FRMD4B: variants seen among roughly 807,000 people sequenced by gnomAD.
FRMD4B encodes the protein FERM domain containing 4B.
In FRMD4B, 74 loss-of-function variants were observed where a neutral mutation model predicts 141.5. That is an observed-to-expected ratio of 0.52 (90% CI 0.43 to 0.63). The LOEUF (loss-of-function observed/expected upper bound fraction) is 0.63, where lower values mean the gene tolerates loss of function less well. Ranked by LOEUF, FRMD4B falls within the 30% of genes least tolerant of loss-of-function variation. The pLI is 0.00. For synonymous variants in FRMD4B, 506 were observed against 467.9 expected (o/e 1.08, Z -1.05); for missense variants, 1,366 against 1,253.4 (o/e 1.09, Z -1.36).
At chr3:69,340,629 T>C (rs563497874) in intron 1 of FRMD4B, among the ~76,000 whole-genome samples, 1 of 152,338 alleles carries the variant, frequency 6.6e-6, no homozygotes, top group South Asian at 2.1e-4. Flanking sequence ...CTTCAGCTCC[T>C]TGATACCTGG....
chr3:69,347,400 A>G (rs1702983549), intron 1 of FRMD4B, among the ~76,000 whole-genome samples: 1 of 152,218 alleles, frequency 6.6e-6, no homozygotes, highest in Admixed American at 6.5e-5. Context: ...TTAACACTCC[A>G]CTGTCAACAT....
rs1307721918 is a variant in FRMD4B, at chr3:69,189,105, C to T, written c.1771+791G>A. On this transcript the variant is annotated intron_variant, in intron 18 of 22. Coordinates refer to ENST00000398540, the MANE Select transcript of FRMD4B (RefSeq NM_015123.3). ...GGAGTGGTGCCCAATGCCTGTAATC[C>T]CAGCTACTCGGGAGGCTGAGGCAGG... is the stretch of plus-strand genomic sequence containing the variant. 4.6e-5 allele frequency among the ~76,000 whole-genome samples: 7 copies of T among 151,530 alleles called. No individual in the cohort carries two copies. The East Asian group carries it at 1.2e-3, about 25-fold the overall frequency.
chr3:69,315,275 T>C (rs1406239910), intron 1 of FRMD4B, among the ~76,000 whole-genome samples: 6 of 152,226 alleles, frequency 3.9e-5, no homozygotes, highest in Admixed American at 3.9e-4. Flanking sequence ...GATTAACTCA[T>C]GTTCCAAACC....
chr3:69,267,090 A>G (rs1257371375), intron 5 of FRMD4B, among the ~76,000 whole-genome samples: 1 of 152,248 alleles, frequency 6.6e-6, no homozygotes, highest in Non-Finnish European at 1.5e-5. Context: ...CAAAGTATTA[A>G]TAGGATAGAA....
At chr3:69,188,428 C>G (rs181791601) in intron 18 of FRMD4B, among the ~76,000 whole-genome samples, 271 of 152,252 alleles carry the variant, frequency 1.8e-3, no homozygotes, top group Admixed American at 4.1e-3. Context: ...GCAAGCATGA[C>G]CAAACATCAC....
chr3:69,397,418 C>T (rs1010894352), intron 2 of FRMD4B, among the ~76,000 whole-genome samples: 2 of 151,980 alleles, frequency 1.3e-5, no homozygotes, highest in East Asian at 3.8e-4. Flanking sequence ...AGTTGTGCAA[C>T]TTTGTGATTA....
chr3:69,479,959 A>T (rs952751522), intron 1 of FRMD4B, among the ~76,000 whole-genome samples: 10 of 151,892 alleles, frequency 6.6e-5, no homozygotes, highest in African/African-American at 2.4e-4. Flanking sequence ...CATTCATTTC[A>T]TCTTCCATCA....
At chr3:69,494,269 A>C (rs78428200) in intron 1 of FRMD4B, among the ~76,000 whole-genome samples, 2,340 of 152,296 alleles carry the variant, frequency 0.015, 58 homozygotes, top group African/African-American at 0.054. Flanking sequence ...GGGTGGGTCC[A>C]GGGTCTAGAA....
At chr3:69,363,316 C>G (rs1703530494) in intron 1 of FRMD4B, among the ~76,000 whole-genome samples, 2 of 147,682 alleles carry the variant, frequency 1.4e-5, no homozygotes, top group Admixed American at 1.4e-4. Context: ...AACTCCTGAG[C>G]TCAAGTGATC....
intron 1 of FRMD4B, among the ~76,000 whole-genome samples, chr3:69,328,186 T>C (rs1309491343): frequency 6.6e-6 from 1 of 152,234 alleles, no homozygotes; most frequent in East Asian, 1.9e-4. Context: ...ACAACTAATA[T>C]GAACTTACAA....
rs1251912702 is a variant in FRMD4B at position 69,170,280 on chromosome 3, TTTTG to T, written c.*1577_*1580del. 12 of 152,336 alleles carry T rather than the reference TTTTG, an allele frequency of 7.9e-5. No individual in the cohort carries two copies. The highest frequency in any genetic ancestry group is 2.9e-4 in the African/African-American group (12 of 41,584). 9.4% of individuals were successfully genotyped at this position (152,336 alleles called of 1,614,324 possible). ...ACGTAAACATTTTCAGTAGCACACC[TTTTG>T]TTTATTGACCTATGTAAAAAAATAA... On this transcript the variant is annotated 3_prime_UTR_variant, in exon 23 of 23. Coordinates refer to ENST00000398540, the MANE Select transcript of FRMD4B (RefSeq NM_015123.3).
intron 8 of FRMD4B, among the ~76,000 whole-genome samples, 164 bp from the exon 9 acceptor site, chr3:69,222,087 T>C (rs6801435): frequency 0.014 from 2,085 of 152,308 alleles, 39 homozygotes; most frequent in African/African-American, 0.047. Flanking sequence ...GATGGATTCC[T>C]GAACTTCAGA....
At chr3:69,527,039 A>T (rs997468092) in intron 1 of FRMD4B, among the ~76,000 whole-genome samples, 5 of 152,138 alleles carry the variant, frequency 3.3e-5, no homozygotes, top group Non-Finnish European at 7.4e-5. Flanking sequence ...TGATCCTCAG[A>T]GATTCCCACA....
At chr3:69,216,819 T>A (rs1190106949) in intron 10 of FRMD4B, among the ~76,000 whole-genome samples, 2 of 152,184 alleles carry the variant, frequency 1.3e-5, no homozygotes, top group African/African-American at 4.8e-5. Flanking sequence ...TTAAAACACC[T>A]ACTTGGAGTT....
upstream of FRMD4B, among the ~76,000 whole-genome samples, chr3:69,389,811 C>T (rs969600967): frequency 5.3e-5 from 8 of 152,172 alleles, no homozygotes; most frequent in African/African-American, 1.7e-4. Context: ...TGGGACTAAC[C>T]AGATCCCAGA....
At chr3:69,173,718 TC>T (rs1242545879) in intron 22 of FRMD4B, among the ~76,000 whole-genome samples, 4 of 152,194 alleles carry the variant, frequency 2.6e-5, no homozygotes, top group Non-Finnish European at 5.9e-5. Context: ...AAGTTGCAAA[TC>T]TTTCTGGAAG....
At chr3:69,445,812 A>G (rs1233229976) in intron 1 of FRMD4B, among the ~76,000 whole-genome samples, 1 of 152,136 alleles carries the variant, frequency 6.6e-6, no homozygotes, top group Non-Finnish European at 1.5e-5. Flanking sequence ...GTATTAAGCT[A>G]CGTTTGTGTT....
At chr3:69,346,616 G>A (rs1702952988) in intron 1 of FRMD4B, among the ~76,000 whole-genome samples, 1 of 152,192 alleles carries the variant, frequency 6.6e-6, no homozygotes, top group South Asian at 2.1e-4. Flanking sequence ...AAGCCCATCA[G>A]ACTAATAGGG....
At chr3:69,496,636 AAAGAG>A (rs1559545690) in intron 1 of FRMD4B, among the ~76,000 whole-genome samples, 5,050 of 116,270 alleles carry the variant, frequency 0.043, 64 homozygotes, top group Admixed American at 0.059. Context: ...AGAGAGAGAG[AAAGAG>A]AGAGAGAGAG....
Sources: allele counts gnomAD v4.1 joint callset (sites outside exome capture counted in the v4.1 genomes callset), GRCh38; gene constraint gnomAD v4.1.1; transcripts MANE v1.5; gene names NCBI Gene and HGNC (gene_info 2026-07-23, HGNC 2026-07-21).